TRMT10B: variants seen among roughly 807,000 people sequenced by gnomAD.
TRMT10B encodes tRNA methyltransferase 10B.
Under a neutral mutation model 43.8 loss-of-function variants are expected in TRMT10B, and 33 were observed. That is an observed-to-expected ratio of 0.75 (90% confidence interval 0.57 to 1.01). TRMT10B has a LOEUF of 1.01. Ranked by LOEUF, TRMT10B falls within the 50% of genes least tolerant of loss-of-function variation. The pLI is 0.00. For synonymous variants in TRMT10B, 137 were observed against 130.6 expected, an observed-to-expected ratio of 1.05 and a Z score of -0.34; for missense variants, 362 against 369.8, an observed-to-expected ratio of 0.98 and a Z score of 0.17.
intron 3 of TRMT10B, among the ~76,000 whole-genome samples, 169 bp downstream of exon 3, chr9:37,762,854 T>G (rs181871850): frequency 6.6e-6 from 1 of 151,722 alleles, no homozygotes; most frequent in Admixed American, 6.6e-5. Context: ...AATTTGTAGC[T>G]GGGTGTGGTG....
chr9:37,774,192 G>A (rs1342223527), intron 7 of TRMT10B, among the ~76,000 whole-genome samples: 1 of 151,996 alleles, frequency 6.6e-6, no homozygotes, highest in African/African-American at 2.4e-5. Flanking sequence ...TGTTGAGTTG[G>A]GGTTTCACCG....
intron 1 of TRMT10B, among the ~76,000 whole-genome samples, chr9:37,759,461 C>T (rs1384998684): frequency 3.3e-5 from 5 of 152,124 alleles, no homozygotes; most frequent in African/African-American, 1.2e-4. Context: ...CAGTGGTTGC[C>T]TTTGGCAAGT....
At position 37,778,153 on chromosome 9, in the gene TRMT10B, A is replaced by T. The variant is rs1183811881; in HGVS notation, c.*446A>T. ...TCAGAGCTTCACAATAATGTCAGGG[A>T]CCACATTTAATGCTTTTTAATCTCC... On this transcript the variant is annotated 3_prime_UTR_variant, in exon 9 of 9. Transcript: ENST00000297994. 1 of 162,116 alleles carries T rather than the reference A, an allele frequency of 6.2e-6. No individual in the cohort carries two copies. Among genetic ancestry groups the T allele is most frequent in the African/African-American group, 2.4e-5 (1 of 41,514 alleles). 10.0% of individuals were successfully genotyped at this position (162,116 alleles called of 1,614,324 possible).
intron 1 of TRMT10B, among the ~76,000 whole-genome samples, chr9:37,756,816 ATATGTGTGTATGCGTGTGTATG>A (rs1825761988): frequency 7.0e-6 from 1 of 142,188 alleles, no homozygotes; most frequent in Non-Finnish European, 1.5e-5. Flanking sequence ...ATATGTGTGC[ATATGTGTGTATGCGTGTGTATG>A]TATGTGTGTA....
chr9:37,763,725 T>C lies in TRMT10B; in HGVS notation c.392T>C (p.Leu131Ser). Residue 131 changes from leucine to serine, a missense_variant, in exon 4 of 9, where the codon TTG (leucine) becomes TCG (serine). Physicochemically the swap from Leu to Ser is moderately radical, Grantham distance 145. Transcript: ENST00000297994. Reference protein sequence around the residue: ...KHSGPRLCIDLSMTHYMSKKE... With the variant: ...KHSGPRLCIDSSMTHYMSKKE... ...TCAGGACCAAGACTATGTATCGATT[T>C]GAGTATGACCCACTACATGTCAAAG... 1.2e-6 allele frequency: 2 copies of C among 1,614,150 alleles called. No homozygotes were observed. The highest frequency in any genetic ancestry group is 2.2e-5 in the South Asian group (2 of 91,084).
intron 1 of TRMT10B, among the ~76,000 whole-genome samples, chr9:37,755,970 AAAC>A (rs955954692): frequency 4.6e-5 from 7 of 152,294 alleles, no homozygotes; most frequent in East Asian, 3.9e-4. Flanking sequence ...CAATTTTTGA[AAAC>A]AACAGTGGAA....
chr9:37,756,802 G>GTGTA (rs1554675091), intron 1 of TRMT10B, among the ~76,000 whole-genome samples: 7 of 150,336 alleles, frequency 4.7e-5, no homozygotes, highest in South Asian at 4.2e-4. Flanking sequence ...ATGTGTATGT[G>GTGTA]TATATATGTG....
At chr9:37,762,770 T>C in intron 3 of TRMT10B, 85 bp downstream of exon 3, 1 of 1,446,732 alleles carries the variant, frequency 6.9e-7, no homozygotes, top group Admixed American at 2.7e-5. Flanking sequence ...AGGAATTTTG[T>C]ATAAGTAAAA....
At chr9:37,772,738 C>G (rs1225439571) in intron 7 of TRMT10B, among the ~76,000 whole-genome samples, 1 of 152,100 alleles carries the variant, frequency 6.6e-6, no homozygotes, top group Non-Finnish European at 1.5e-5. Context: ...AATCCCAGCA[C>G]TTAGGGAGGC....
rs1310404824 is a variant in TRMT10B at position 37,776,292 on chromosome 9, T to C, written c.731T>C (p.Phe244Ser). Residue 244 changes from phenylalanine (F) to serine (S), a missense_variant, in exon 8 of 9, where the codon TTT (phenylalanine) becomes TCT (serine). By Grantham distance (155) the Phe-to-Ser change is radical. Transcript: ENST00000297994. ...VDESIQKKVTFQKAREYSVKT... is the reference protein window; with the variant it reads ...VDESIQKKVTSQKAREYSVKT... ...ACTATATATTTACAGAAGGTGACAT[T>C]TCAAAAGGCCCGGGAATACTCTGTC... The C allele has an allele frequency of 6.4e-7, 1 of 1,550,948 alleles. No homozygotes were observed. The highest frequency in any genetic ancestry group is 8.7e-7 in the Non-Finnish European group (1 of 1,153,918).
At position 37,768,054 on chromosome 9, in the gene TRMT10B, AGTT is replaced by A. The variant is rs1462513971; in HGVS notation, c.421-18_421-16del. The A allele has an allele frequency of 1.2e-6, 2 of 1,612,006 alleles. No individual in the cohort carries two copies. Among genetic ancestry groups the A allele is most frequent in the African/African-American group, 1.3e-5 (1 of 74,908 alleles). ...AGTGAGTTGGCATGTTTTTGCCCTG[AGTT>A]GTTCTTATTTCTTTGAAGGAATTAA... On this transcript the variant is annotated intron_variant, in intron 4 of 8. Coordinates refer to ENST00000297994, the MANE Select transcript of TRMT10B (RefSeq NM_144964.4).
intron 1 of TRMT10B, among the ~76,000 whole-genome samples, chr9:37,754,156 A>G (rs974669199): frequency 1.3e-5 from 2 of 152,198 alleles, no homozygotes; most frequent in African/African-American, 4.8e-5. Flanking sequence ...CTGCCAACCT[A>G]GGGTGGGGGT....
chr9:37,778,306 G>C lies in TRMT10B; in HGVS notation c.*599G>C, dbSNP rs1828398082. On this transcript the variant is annotated 3_prime_UTR_variant, in exon 9 of 9. Coordinates refer to ENST00000297994, the MANE Select transcript of TRMT10B (RefSeq NM_144964.4). ...CTGAGGTGAGTGGATTACAAGGTCA[G>C]GAGTTCCAGACCAGCCTGGCTAATA... is the stretch of plus-strand genomic sequence containing the variant. 1 of 152,486 alleles carries C rather than the reference G, an allele frequency of 6.6e-6. No homozygotes were observed. Among genetic ancestry groups the C allele is most frequent in the South Asian group, 2.1e-4 (1 of 4,850 alleles). 9.4% of individuals were successfully genotyped at this position (152,486 alleles called of 1,614,324 possible).
At chr9:37,759,326 A>G (rs1284863356) in intron 1 of TRMT10B, among the ~76,000 whole-genome samples, 1 of 152,250 alleles carries the variant, frequency 6.6e-6, no homozygotes, top group Non-Finnish European at 1.5e-5. Flanking sequence ...ACATGCAGCA[A>G]CATGTATAAG....
At chr9:37,769,619 T>C (rs1014506996) in intron 5 of TRMT10B, 1 of 136,660 alleles carries the variant, frequency 7.3e-6, no homozygotes, top group South Asian at 2.2e-4. Flanking sequence ...TTGAGCGGGG[T>C]TTTTTTTTTT....
Position 37,770,654 on chromosome 9 carries a change from C to T in TRMT10B, c.653-18C>T, listed in dbSNP as rs1465839698. On this transcript the variant is annotated intron_variant, in intron 6 of 8. Transcript: ENST00000297994. ...TATAAAACAGATTTGATCTCATTGG[C>T]CTTCATTTTTTCATTAGCTCTTGAA... 1.2e-6 allele frequency: 2 copies of T among 1,608,266 alleles called. No individual in the cohort carries two copies. Among genetic ancestry groups the T allele is most frequent in the African/African-American group, 2.7e-5 (2 of 74,844 alleles).
At chr9:37,763,161 A>C (rs549614149) in intron 3 of TRMT10B, among the ~76,000 whole-genome samples, 3,432 of 139,464 alleles carry the variant, frequency 0.025, 183 homozygotes, top group African/African-American at 0.083. Flanking sequence ...AAAAAAAAAA[A>C]AAAACAAAAA....
intron 1 of TRMT10B, among the ~76,000 whole-genome samples, chr9:37,761,573 C>T (rs1826335360): frequency 6.6e-6 from 1 of 152,186 alleles, no homozygotes; most frequent in African/African-American, 2.4e-5. Flanking sequence ...TGGCAGATGC[C>T]TGTAATCCCA....
intron 1 of TRMT10B, among the ~76,000 whole-genome samples, chr9:37,758,652 ATATTCT>A (rs1183585014): frequency 6.6e-6 from 1 of 152,210 alleles, no homozygotes; most frequent in Non-Finnish European, 1.5e-5. Flanking sequence ...AAGTTTTAAA[ATATTCT>A]TAAAAGTAAT....
Sources: allele counts gnomAD v4.1 joint callset (sites outside exome capture counted in the v4.1 genomes callset), GRCh38; gene constraint gnomAD v4.1.1; transcripts MANE v1.5; gene names NCBI Gene and HGNC (gene_info 2026-07-23, HGNC 2026-07-21).